Variants in SMAD7 observed in about 807,000 individuals in gnomAD.
The protein encoded by SMAD7 is SMAD family member 7, also known as MAD (mothers against decapentaplegic, Drosophila) homolog 7.
Under a neutral mutation model 38.7 loss-of-function variants are expected in SMAD7, and 8 were observed. The ratio of observed to expected loss-of-function variants is 0.21; its 90% CI spans 0.12 to 0.37. The LOEUF (loss-of-function observed/expected upper bound fraction) is 0.37. Among genes scored for constraint, SMAD7 ranks in the 10% least tolerant of loss-of-function variants. The pLI is 1.00. For missense variants in SMAD7, 477 were observed against 577.9 expected (o/e 0.83, Z 1.79); for synonymous variants, 327 against 265.1 (o/e 1.23, Z -2.27).
intron 3 of SMAD7, among the ~76,000 whole-genome samples, chr18:48,928,708 A>C (rs1193538161): frequency 6.6e-6 from 1 of 152,090 alleles, no homozygotes; most frequent in African/African-American, 2.4e-5. Flanking sequence ...TATGTTAAAT[A>C]ATCAATTCCT....
At chr18:48,930,459 C>T (rs1489047879) in intron 3 of SMAD7, among the ~76,000 whole-genome samples, 1 of 152,182 alleles carries the variant, frequency 6.6e-6, no homozygotes, top group Non-Finnish European at 1.5e-5. Flanking sequence ...GTCACAAGGC[C>T]CTGGAGTCCA....
intron 3 of SMAD7, among the ~76,000 whole-genome samples, chr18:48,923,894 C>T (rs1364747796): frequency 6.6e-6 from 1 of 152,220 alleles, no homozygotes; most frequent in African/African-American, 2.4e-5. Context: ...GAGAAGGTGA[C>T]TCATCAGGCA....
chr18:48,946,805 T>C (rs896354881), intron 2 of SMAD7, among the ~76,000 whole-genome samples: 1 of 152,216 alleles, frequency 6.6e-6, no homozygotes, highest in Non-Finnish European at 1.5e-5. Context: ...ACTGCTTAAA[T>C]CCTGAGAACA....
chr18:48,949,148 A>G (rs1012705079), intron 1 of SMAD7: 20 of 295,276 alleles, frequency 6.8e-5, no homozygotes, highest in Non-Finnish European at 9.5e-5. Flanking sequence ...GAAGGAAGGA[A>G]AAAGTAGGGG....
chr18:48,942,620 T>C (rs761981090), intron 2 of SMAD7, 65 bp from the exon 3 acceptor site: 2 of 1,610,172 alleles, frequency 1.2e-6, no homozygotes, highest in Non-Finnish European at 1.7e-6. Flanking sequence ...GATCCATCTT[T>C]AAGCACGCTC....
rs924805414 is a variant in SMAD7 at position 48,950,252 on chromosome 18, G to A, written c.173C>T (p.Ala58Val). The change falls in exon 1 of 4, where the codon GCT (alanine) becomes GTT (valine). Residue 58 changes from alanine to valine, a missense_variant. By Grantham distance (64) the Ala-to-Val change is moderately conservative. Coordinates refer to ENST00000262158, the MANE Select transcript of SMAD7 (RefSeq NM_005904.4). Reference protein sequence around the residue: ...HGAGGGGPGRAGCCLGKAVRG... With the variant: ...HGAGGGGPGRVGCCLGKAVRG... Reference sequence around the variant, plus strand: ...CACCGCCTTGCCCAGGCAGCATCCAGCCCTGCCCGGGCCGCCGCCACCGGC... The same window carrying A: ...CACCGCCTTGCCCAGGCAGCATCCAACCCTGCCCGGGCCGCCGCCACCGGC... The A allele has an allele frequency of 2.6e-6, 4 of 1,516,998 alleles. No homozygotes were observed. The highest frequency in any genetic ancestry group is 3.5e-6 in the Non-Finnish European group (4 of 1,135,698). The allele number at this position is 1,516,998 out of a possible 1,614,324, so 94.0% of individuals were successfully genotyped here.
At chr18:48,930,815 G>T (rs1368316314) in intron 3 of SMAD7, among the ~76,000 whole-genome samples, 1 of 152,090 alleles carries the variant, frequency 6.6e-6, no homozygotes, top group African/African-American at 2.4e-5. Flanking sequence ...TCCACCTCTG[G>T]GTATATACCC....
At chr18:48,942,211 C>A (rs539273385) in intron 3 of SMAD7, among the ~76,000 whole-genome samples, 1 of 152,282 alleles carries the variant, frequency 6.6e-6, no homozygotes, top group East Asian at 1.9e-4. Context: ...TAAAAATAAC[C>A]GGGCAACACT....
intron 3 of SMAD7, among the ~76,000 whole-genome samples, chr18:48,932,968 A>G (rs1406999872): frequency 6.6e-6 from 1 of 152,092 alleles, no homozygotes; most frequent in Non-Finnish European, 1.5e-5. Context: ...TCCACTGAGG[A>G]GCCTGGCGCT....
At chr18:48,922,051 C>G in intron 3 of SMAD7, 141 bp from the exon 4 acceptor site, 2 of 674,666 alleles carry the variant, frequency 3.0e-6, no homozygotes, top group Non-Finnish European at 4.9e-6. Flanking sequence ...TGAGGCTAGT[C>G]CTGGACTTGC....
At chr18:48,943,375 TTC>T (rs1301218533) in intron 2 of SMAD7, among the ~76,000 whole-genome samples, 1 of 152,200 alleles carries the variant, frequency 6.6e-6, no homozygotes, top group Non-Finnish European at 1.5e-5. Context: ...TCTCTTCAAC[TTC>T]TGTCACCCTC....
At chr18:48,949,714 C>A (rs1396182556) in intron 1 of SMAD7, 98 bp downstream of exon 1, 1 of 1,342,514 alleles carries the variant, frequency 7.4e-7, no homozygotes, top group Non-Finnish European at 1.0e-6. Context: ...ATGCACACTC[C>A]CCCTGGAGGG....
rs140903709 is a variant in SMAD7, at chr18:48,930,841, G to C, written c.743-8931C>G. Among the ~76,000 whole-genome samples the C allele has an allele frequency of 2.0e-3, 298 of 152,294 alleles. 1 individual carries two copies. The highest frequency in any genetic ancestry group is 6.6e-3 in the African/African-American group (276 of 41,556). ...GTATATACCCAGAAGAACTGAAAGCGGCGACTCCAGTGGTATTTGCACATC... is the reference window on the plus strand; with the variant it reads ...GTATATACCCAGAAGAACTGAAAGCCGCGACTCCAGTGGTATTTGCACATC... On this transcript the variant is annotated intron_variant, in intron 3 of 3. Coordinates refer to ENST00000262158, the MANE Select transcript of SMAD7 (RefSeq NM_005904.4).
chr18:48,937,577 G>C (rs1243227090), intron 3 of SMAD7, among the ~76,000 whole-genome samples: 37 of 152,178 alleles, frequency 2.4e-4, no homozygotes, highest in Admixed American at 2.4e-3. Context: ...TTCTCCAGGG[G>C]GAAGTGCATG....
intron 3 of SMAD7, among the ~76,000 whole-genome samples, chr18:48,926,554 G>A (rs1174737094): frequency 6.6e-6 from 1 of 152,278 alleles, no homozygotes; most frequent in East Asian, 1.9e-4. Flanking sequence ...GCAGAAGGCT[G>A]AGGACGGAGA....
chr18:48,943,808 C>T (rs749980753), intron 2 of SMAD7, among the ~76,000 whole-genome samples: 7 of 148,932 alleles, frequency 4.7e-5, no homozygotes, highest in Admixed American at 2.6e-4. Flanking sequence ...CTACACATAG[C>T]CCCAAACCAT....
intron 3 of SMAD7, among the ~76,000 whole-genome samples, chr18:48,939,648 G>A (rs1326742536): frequency 2.6e-5 from 4 of 151,208 alleles, no homozygotes; most frequent in Non-Finnish European, 5.9e-5. Flanking sequence ...TCAAGCCCTG[G>A]CTCCTGCTGC....
chr18:48,946,728 C>T (rs2070199902), intron 2 of SMAD7, among the ~76,000 whole-genome samples: 1 of 152,128 alleles, frequency 6.6e-6, no homozygotes, highest in Non-Finnish European at 1.5e-5. Context: ...TACCTAATGT[C>T]AACACTTGCT....
At chr18:48,936,822 G>A (rs886808205) in intron 3 of SMAD7, among the ~76,000 whole-genome samples, 2 of 152,136 alleles carry the variant, frequency 1.3e-5, no homozygotes, top group Admixed American at 1.3e-4. Context: ...GCTCATGCCT[G>A]GAATCCCAGC....
Sources: gnomAD v4.1 joint callset for allele counts (sites outside exome capture counted in the v4.1 genomes callset) on GRCh38, gnomAD v4.1.1 for gene constraint, MANE v1.5 for transcripts, NCBI Gene and HGNC (gene_info 2026-07-23, HGNC 2026-07-21) for gene names.